The following MTM1 variants were observed in gnomAD, a reference collection of about 807,000 sequenced individuals.
MTM1 encodes myotubularin 1, also known as myotubularin.
MTM1 carries 9 observed loss-of-function variants against 52.1 expected under a neutral mutation model. The ratio of observed to expected loss-of-function variants is 0.17; its 90% CI spans 0.10 to 0.30. The LOEUF (loss-of-function observed/expected upper bound fraction) is 0.30. Ranked by LOEUF, MTM1 falls within the 10% of genes least tolerant of loss-of-function variation. MTM1 has a pLI of 1.00. For synonymous variants in MTM1, 136 were observed against 163.8 expected, an observed-to-expected ratio of 0.83 and a Z score of 1.29; for missense variants, 277 against 470.7, an observed-to-expected ratio of 0.59 and a Z score of 3.81.
chrX:150,652,761 T>G (rs2040050603), intron 10 of MTM1, among the ~76,000 whole-genome samples: 1 of 106,624 alleles, frequency 9.4e-6, no homozygotes, highest in Admixed American at 1.0e-4. Context: ...GTAATAGGGC[T>G]ATGTTTTCTC....
Position 150,641,254 on chromosome X carries a change from T to A in MTM1, c.529-15T>A, listed in dbSNP as rs782218929. ...GTCAAGCAATACTGACTTGAATTTCTTTTTTTCCTCACAGGGCTTGCCCAA... is the reference window on the plus strand; with the variant it reads ...GTCAAGCAATACTGACTTGAATTTCATTTTTTCCTCACAGGGCTTGCCCAA... On this transcript the variant is annotated splice_polypyrimidine_tract_variant and intron_variant, in intron 7 of 14. Transcript: ENST00000370396. 8.3e-7 allele frequency: 1 copy of A among 1,209,676 alleles called. No homozygotes were observed. Among genetic ancestry groups the A allele is most frequent in the Non-Finnish European group, 1.1e-6 (1 of 894,134 alleles).
At chrX:150,567,577 G>A (rs192214822), upstream of MTM1, among the ~76,000 whole-genome samples, 1 of 110,651 alleles carries the variant, frequency 9.0e-6, no homozygotes, top group East Asian at 2.8e-4. Context: ...TTTTTGACAC[G>A]CAGTCTCGCT....
upstream of MTM1, among the ~76,000 whole-genome samples, chrX:150,567,061 G>A (rs1266796507): frequency 1.8e-5 from 2 of 110,937 alleles, no homozygotes; most frequent in Non-Finnish European, 3.8e-5. Context: ...CTAATTGTGC[G>A]GGGGCCCAGG....
intron 5 of MTM1, 128 bp downstream of exon 5, chrX:150,614,827 T>C: frequency 2.2e-6 from 1 of 462,050 alleles, no homozygotes; most frequent in Non-Finnish European, 3.8e-6. Flanking sequence ...TGGAAATGGT[T>C]CTTCCCTTAA....
At chrX:150,581,513 A>G (rs2038583877) in intron 1 of MTM1, among the ~76,000 whole-genome samples, 1 of 111,772 alleles carries the variant, frequency 8.9e-6, no homozygotes, top group African/African-American at 3.3e-5. Flanking sequence ...TGTTTCAGTG[A>G]CTCACAGACA....
chrX:150,602,376 T>C (rs2039082183), intron 4 of MTM1, among the ~76,000 whole-genome samples: 8 of 112,430 alleles, frequency 7.1e-5, no homozygotes, highest in Admixed American at 6.6e-4. Context: ...TATTTGCTGC[T>C]ATGTCTGTGG....
At chrX:150,601,821 T>C (rs1478992390) in intron 4 of MTM1, among the ~76,000 whole-genome samples, 1 of 112,290 alleles carries the variant, frequency 8.9e-6, no homozygotes, top group Non-Finnish European at 1.9e-5. Context: ...TGAAATCCAT[T>C]CTCTTGGTAT....
intron 1 of MTM1, among the ~76,000 whole-genome samples, chrX:150,589,710 A>C (rs782753542): frequency 9.2e-6 from 1 of 108,722 alleles, no homozygotes; most frequent in Non-Finnish European, 1.9e-5. Context: ...TTTCCAAAGT[A>C]CTACACTGCT....
In MTM1 at chrX:150,649,800, C is replaced by T. The variant is rs2039989751; in HGVS notation, c.952C>T (p.Arg318Trp). Reference sequence around the variant, plus strand: ...AGACATTCATAATATTCATGTTATGCGGGAATCTTTAAAAAAAGTGAAGGA... The same window carrying T: ...AGACATTCATAATATTCATGTTATGTGGGAATCTTTAAAAAAAGTGAAGGA... ...FLDIHNIHVM[R>W]ESLKKVKDIV... Residue 318 changes from arginine (R) to tryptophan (W), a missense_variant, in exon 10 of 15, where the codon CGG (arginine) becomes TGG (tryptophan). Physicochemically the swap from Arg to Trp is moderately radical, Grantham distance 101 (BLOSUM62 -3). This residue lies in a region of MTM1 where 164 missense variants were observed against 283.3 expected (regional missense o/e 0.58). Transcript: ENST00000370396. 1 of 1,206,600 alleles carries T rather than the reference C, an allele frequency of 8.3e-7. No individual in the cohort carries two copies. The highest frequency in any genetic ancestry group is 1.1e-6 in the Non-Finnish European group (1 of 891,841).
chrX:150,609,080 G>T (rs2039227389), intron 4 of MTM1, among the ~76,000 whole-genome samples: 1 of 111,183 alleles, frequency 9.0e-6, no homozygotes, highest in South Asian at 3.8e-4. Flanking sequence ...ACCAACCTCG[G>T]CCTCCCAAAG....
At chrX:150,641,116 A>G (rs1557413840) in intron 7 of MTM1, among the ~76,000 whole-genome samples, 153 bp from the exon 8 acceptor site, 1 of 111,935 alleles carries the variant, frequency 8.9e-6, no homozygotes, top group African/African-American at 3.2e-5. Flanking sequence ...TGGATTATTG[A>G]TTTGGCACCC....
chrX:150,613,136 T>TAAAAAA (rs782155099), intron 4 of MTM1, among the ~76,000 whole-genome samples: 1 of 90,463 alleles, frequency 1.1e-5, no homozygotes, highest in Non-Finnish European at 2.2e-5. Context: ...ACTTATCTCT[T>TAAAAAA]AAAAAAAAAA....
At chrX:150,662,523 C>T (rs1429440772) in intron 13 of MTM1, among the ~76,000 whole-genome samples, 2 of 110,702 alleles carry the variant, frequency 1.8e-5, no homozygotes, top group African/African-American at 6.6e-5. Flanking sequence ...GGGGCTTCAC[C>T]ATGTTGGCCA....
chrX:150,569,643 C>G (rs990033081), intron 1 of MTM1, among the ~76,000 whole-genome samples: 1 of 111,673 alleles, frequency 9.0e-6, no homozygotes, highest in African/African-American at 3.3e-5. Flanking sequence ...CAAGCCAGCT[C>G]TTTGGGGGTA....
chrX:150,666,850 C>T (rs781807503), intron 14 of MTM1, among the ~76,000 whole-genome samples: 3 of 111,520 alleles, frequency 2.7e-5, no homozygotes, highest in East Asian at 2.8e-4. Context: ...TCATCCTTGA[C>T]ACCTTTCTCT....
At position 150,669,271 on chromosome X, in the gene MTM1, G is replaced by A. The variant is rs781818884; in HGVS notation, c.1645-2157G>A. On this transcript the variant is annotated intron_variant, in intron 14 of 14. Coordinates refer to ENST00000370396, the MANE Select transcript of MTM1 (RefSeq NM_000252.3). ...ATATGTACTGCATTTTCTTTATCCA[G>A]TCTATCACTGATGGGCATTTGGGTT... Among the ~76,000 whole-genome samples the A allele has an allele frequency of 7.1e-5, 8 of 112,321 alleles. No homozygotes were observed. In the East Asian group the frequency reaches 1.7e-3, roughly 23 times the overall value.
intron 4 of MTM1, among the ~76,000 whole-genome samples, chrX:150,610,506 A>G (rs1266367473): frequency 1.8e-5 from 2 of 112,442 alleles, no homozygotes; most frequent in Non-Finnish European, 3.8e-5. Context: ...AGTACAAGGC[A>G]TAGACTTTTG....
intron 3 of MTM1, chrX:150,596,905 A>G (rs188163928): frequency 5.2e-6 from 1 of 191,890 alleles, no homozygotes; most frequent in East Asian, 1.2e-4. Flanking sequence ...CCAGTCAATG[A>G]TGCATGCTTT....
At chrX:150,635,301 C>T (rs782503020) in intron 6 of MTM1, among the ~76,000 whole-genome samples, 10 of 112,154 alleles carry the variant, frequency 8.9e-5, no homozygotes, top group Non-Finnish European at 1.9e-4. Context: ...GCAAACAAGA[C>T]GCGCTTGATG....
Sources: allele counts gnomAD v4.1 joint callset (sites outside exome capture counted in the v4.1 genomes callset), GRCh38; gene constraint gnomAD v4.1.1; regional missense constraint gnomAD v4.1.1; transcripts MANE v1.5; gene names NCBI Gene and HGNC (gene_info 2026-07-23, HGNC 2026-07-21).